Variants in C2orf76 observed in about 807,000 individuals in gnomAD.
The protein encoded by C2orf76 is chromosome 2 open reading frame 76.
C2orf76 carries 23 observed loss-of-function variants against 16.9 expected under a neutral mutation model. The observed-to-expected ratio is 1.36, with a 90% CI of 0.98 to 1.93. C2orf76 has a LOEUF of 1.93. Ranked by LOEUF, C2orf76 falls within the 30% of genes most tolerant of loss-of-function variation. C2orf76 has a pLI of 0.00. For missense variants in C2orf76, 152 were observed against 152.6 expected, an observed-to-expected ratio of 1.00 and a Z score of 0.02; for synonymous variants, 48 against 52.3, an observed-to-expected ratio of 0.92 and a Z score of 0.35.
chr2:119,352,331 G>C (rs1680432551), intron 1 of C2orf76, among the ~76,000 whole-genome samples: 1 of 152,122 alleles, frequency 6.6e-6, no homozygotes, highest in Non-Finnish European at 1.5e-5. Context: ...AATGAAAAAG[G>C]TACAACTTTC....
chr2:119,311,176 T>C (rs1464092460), intron 5 of C2orf76: 1 of 985,322 alleles, frequency 1.0e-6, no homozygotes, highest in East Asian at 1.1e-4. Context: ...CTATTTTAAA[T>C]TCCATGCCTT....
chr2:119,285,242 G>A, the C2orf76 span, among the ~76,000 whole-genome samples: 1 of 152,156 alleles, frequency 6.6e-6, no homozygotes, highest in Admixed American at 6.5e-5. Context: ...ACTATCACCT[G>A]ACATTTTATT....
At chr2:119,362,934 G>T (rs1396167421) in intron 1 of C2orf76, among the ~76,000 whole-genome samples, 1 of 152,108 alleles carries the variant, frequency 6.6e-6, no homozygotes, top group African/African-American at 2.4e-5. Flanking sequence ...CCAAAGGAAG[G>T]AGAGGGTAGG....
At chr2:119,295,046 G>A in the C2orf76 span, among the ~76,000 whole-genome samples, 1 of 152,160 alleles carries the variant, frequency 6.6e-6, no homozygotes, top group African/African-American at 2.4e-5. Flanking sequence ...CAGAGAACGG[G>A]AGGTGGATAT....
intron 1 of C2orf76, among the ~76,000 whole-genome samples, chr2:119,351,294 C>T (rs1025946432): frequency 2.0e-5 from 3 of 152,210 alleles, no homozygotes; most frequent in Non-Finnish European, 2.9e-5. Context: ...TAAGGCACAT[C>T]ACAGCCTTCC....
Position 119,314,025 on chromosome 2 carries a change from T to G in C2orf76, c.223-2322A>C, listed in dbSNP as rs1679084940. Among the ~76,000 whole-genome samples the G allele has an allele frequency of 2.7e-5, 4 of 149,012 alleles. No homozygotes were observed. The South Asian group carries it at 8.6e-4, about 32-fold the overall frequency. ...TGCTTTTCTCAGTGGTTTTTTTTTT[T>G]TTTTTTTTTTTTACATAGAAGGTGT... is the stretch of plus-strand genomic sequence containing the variant. On this transcript the variant is annotated intron_variant, in intron 4 of 5. Coordinates refer to ENST00000334816, the MANE Select transcript of C2orf76 (RefSeq NM_001322331.2).
chr2:119,288,656 G>T, the C2orf76 span, among the ~76,000 whole-genome samples: 82 of 152,130 alleles, frequency 5.4e-4, 3 homozygotes, highest in South Asian at 0.011. Context: ...GGGTGGAATT[G>T]TAAGAGCAGA....
At chr2:119,318,833 T>G (rs866886459) in intron 3 of C2orf76, among the ~76,000 whole-genome samples, 2 of 152,130 alleles carry the variant, frequency 1.3e-5, no homozygotes, top group African/African-American at 4.8e-5. Context: ...CCTTGTAATT[T>G]TTTATACAAG....
In C2orf76 at chr2:119,305,013, G is replaced by A. The variant is rs142328910; in HGVS notation, c.305-2465C>T. Among the ~76,000 whole-genome samples the A allele has an allele frequency of 4.1e-4, 63 of 152,302 alleles. No individual in the cohort carries two copies. In the East Asian group the frequency reaches 0.012, roughly 29 times the overall value. On this transcript the variant is annotated intron_variant, in intron 5 of 5. Transcript: ENST00000334816. The stretch of plus-strand genomic sequence containing the variant: ...AAGTCTACCTTGTGCTGGTCCCCCA[G>A]GGCACCTGATTTTAAATTAAATGTG...
intron 2 of C2orf76, among the ~76,000 whole-genome samples, chr2:119,324,785 G>A (rs1023853785): frequency 5.9e-5 from 9 of 152,120 alleles, no homozygotes; most frequent in African/African-American, 2.2e-4. Context: ...CACAGTGGCA[G>A]AAAGACAGAT....
chr2:119,331,942 T>C (rs1049530487), intron 2 of C2orf76, among the ~76,000 whole-genome samples: 7 of 152,192 alleles, frequency 4.6e-5, no homozygotes, highest in Non-Finnish European at 1.0e-4. Context: ...AAAAACTAAT[T>C]TAATATTTCA....
At position 119,362,645 on chromosome 2, in the gene C2orf76, C is replaced by T. The variant is rs1478340257; in HGVS notation, c.-13+4145G>A. Among the ~76,000 whole-genome samples the T allele has an allele frequency of 4.6e-5, 7 of 152,276 alleles. No individual in the cohort carries two copies. In the Middle Eastern group the frequency reaches 0.01, roughly 222 times the overall value. The stretch of plus-strand genomic sequence containing the variant: ...GCCCATAATCATGAATGCTTCTAAA[C>T]AGAGCGCAGGCAGCACCTGACCAGT... On this transcript the variant is annotated intron_variant, in intron 1 of 5. Coordinates refer to ENST00000334816, the MANE Select transcript of C2orf76 (RefSeq NM_001322331.2).
At chr2:119,308,119 G>C (rs1678856299) in intron 5 of C2orf76, among the ~76,000 whole-genome samples, 1 of 152,064 alleles carries the variant, frequency 6.6e-6, no homozygotes, top group Non-Finnish European at 1.5e-5. Flanking sequence ...AACTTCATGG[G>C]TTTATACTTT....
chr2:119,300,836 G>T (rs115547587), downstream of C2orf76, among the ~76,000 whole-genome samples: 490 of 152,262 alleles, frequency 3.2e-3, 1 homozygote, highest in African/African-American at 0.011. Flanking sequence ...GGTACTCAGT[G>T]TTTCTACTGA....
upstream of C2orf76, chr2:119,367,117 G>T (rs1172540198): frequency 6.2e-7 from 1 of 1,607,436 alleles, no homozygotes; most frequent in Admixed American, 1.7e-5. Context: ...GCCCGTTGGG[G>T]GCTCAGCCGG....
At chr2:119,358,467 A>C (rs905655272) in intron 1 of C2orf76, among the ~76,000 whole-genome samples, 5 of 151,524 alleles carry the variant, frequency 3.3e-5, no homozygotes, top group Non-Finnish European at 7.4e-5. Flanking sequence ...AATCCCAGCT[A>C]CTCAGAAGGC....
the C2orf76 span, among the ~76,000 whole-genome samples, chr2:119,290,134 G>C: frequency 1.4e-4 from 21 of 151,710 alleles, no homozygotes; most frequent in East Asian, 3.5e-3. Context: ...CCAAAGCTCT[G>C]GGCACTGCTT....
At chr2:119,350,064 A>AC (rs1680337722) in intron 1 of C2orf76, among the ~76,000 whole-genome samples, 1 of 40,330 alleles carries the variant, frequency 2.5e-5, no homozygotes. Flanking sequence ...CGCCCCGCCC[A>AC]CACCGCCCCC....
chr2:119,313,388 G>A (rs1476502516), intron 4 of C2orf76, among the ~76,000 whole-genome samples: 1 of 151,802 alleles, frequency 6.6e-6, no homozygotes, highest in African/African-American at 2.4e-5. Context: ...AGGAGTTTGA[G>A]ACCAGCCTGA....
Sources: allele counts gnomAD v4.1 joint callset (sites outside exome capture counted in the v4.1 genomes callset), GRCh38; gene constraint gnomAD v4.1.1; transcripts MANE v1.5; gene names NCBI Gene and HGNC (gene_info 2026-07-23, HGNC 2026-07-21).